TCF4: variants seen among roughly 807,000 people sequenced by gnomAD.
TCF4 encodes the protein SL3-3 enhancer factor 2.
In TCF4, 3 loss-of-function variants were observed where a neutral mutation model predicts 82.1. That is an observed-to-expected ratio of 0.04 (90% CI 0.02 to 0.09). The LOEUF is 0.09. TCF4 is among the 10% of genes least tolerant of loss of function. The pLI, the probability that TCF4 is intolerant of heterozygous loss-of-function variation, is 1.00. For synonymous variants in TCF4, 276 were observed against 309.6 expected, an observed-to-expected ratio of 0.89 and a Z score of 1.14; for missense variants, 518 against 852.7, an observed-to-expected ratio of 0.61 and a Z score of 4.89.
chr18:55,532,107 G>A (rs1367318287), intron 3 of TCF4, among the ~76,000 whole-genome samples: 2 of 152,178 alleles, frequency 1.3e-5, no homozygotes, highest in African/African-American at 4.8e-5. Context: ...TTAGGAGTAA[G>A]CACAGAGAAG....
Position 55,261,425 on chromosome 18 carries a change from TACA to T in TCF4, c.990+38_990+40del, listed in dbSNP as rs771490035. 4.9e-4 allele frequency: 785 copies of T among 1,606,070 alleles called. 2 individuals carry two copies. Among genetic ancestry groups the T allele is most frequent in the Non-Finnish European group, 3.7e-4 (437 of 1,172,906 alleles). On this transcript the variant is annotated intron_variant, in intron 12 of 19. Coordinates refer to ENST00000354452, the MANE Select transcript of TCF4 (RefSeq NM_001083962.2). ...CCACTTCTGATTAAAGTTCACCCTTTACAATGGTACATATGGAGTCCAAAGTCA... is the reference window on the plus strand; with the variant it reads ...CCACTTCTGATTAAAGTTCACCCTTTATGGTACATATGGAGTCCAAAGTCA...
At chr18:55,498,600 CT>C (rs915138802) in intron 3 of TCF4, among the ~76,000 whole-genome samples, 44 of 152,266 alleles carry the variant, frequency 2.9e-4, no homozygotes, top group African/African-American at 1.1e-3. Flanking sequence ...TGAATCCCCC[CT>C]TTTTACCTCC....
At chr18:55,429,789 A>AAAAAAC in intron 5 of TCF4, among the ~76,000 whole-genome samples, 1 of 150,398 alleles carries the variant, frequency 6.6e-6, no homozygotes, top group African/African-American at 2.4e-5. Context: ...AAAAAAAAAA[A>AAAAAAC]CAATTTGGTC....
At chr18:55,513,352 T>C (rs774255118) in intron 3 of TCF4, among the ~76,000 whole-genome samples, 1 of 141,806 alleles carries the variant, frequency 7.1e-6, no homozygotes, top group Non-Finnish European at 1.5e-5. Flanking sequence ...TCATGTCTTA[T>C]CATTCCTAGC....
chr18:55,434,368 G>A (rs1185199865), intron 5 of TCF4, among the ~76,000 whole-genome samples: 4 of 151,598 alleles, frequency 2.6e-5, no homozygotes, highest in African/African-American at 9.7e-5. Flanking sequence ...AAAACTTCAA[G>A]GAAGAATTCT....
chr18:55,534,976 A>G (rs953370088), intron 3 of TCF4, among the ~76,000 whole-genome samples: 1 of 152,192 alleles, frequency 6.6e-6, no homozygotes, highest in Admixed American at 6.5e-5. Flanking sequence ...CACAACAACA[A>G]ATGTGCACAG....
intron 3 of TCF4, among the ~76,000 whole-genome samples, chr18:55,574,058 G>T (rs919675038): frequency 6.6e-6 from 1 of 152,120 alleles, no homozygotes; most frequent in Non-Finnish European, 1.5e-5. Flanking sequence ...TTTAATTTCT[G>T]CTCAAAAAGG....
At chr18:55,562,556 T>G (rs1027762675) in intron 3 of TCF4, among the ~76,000 whole-genome samples, 2 of 152,152 alleles carry the variant, frequency 1.3e-5, no homozygotes, top group Non-Finnish European at 2.9e-5. Context: ...GGCAGCCCCC[T>G]CTCTATCTCC....
intron 8 of TCF4, among the ~76,000 whole-genome samples, chr18:55,330,701 G>T (rs2077405662): frequency 6.6e-6 from 1 of 151,706 alleles, no homozygotes; most frequent in African/African-American, 2.4e-5. Flanking sequence ...GAGTGGCTGG[G>T]ATTACCAGCA....
intron 6 of TCF4, among the ~76,000 whole-genome samples, chr18:55,385,008 C>T (rs1193277516): frequency 1.3e-5 from 2 of 152,152 alleles, no homozygotes; most frequent in Non-Finnish European, 2.9e-5. Context: ...AAAAAACAAC[C>T]TCTCTTTCCT....
At chr18:55,325,248 A>G (rs1179036090) in intron 8 of TCF4, among the ~76,000 whole-genome samples, 5 of 152,232 alleles carry the variant, frequency 3.3e-5, no homozygotes, top group Admixed American at 1.3e-4. Context: ...GGACATGCAC[A>G]GGGTTCACAG....
At chr18:55,475,866 G>A (rs2096278523) in intron 3 of TCF4, among the ~76,000 whole-genome samples, 2 of 152,294 alleles carry the variant, frequency 1.3e-5, no homozygotes, top group Admixed American at 1.3e-4. Flanking sequence ...TGGGAGTGGG[G>A]AGGGCAGGAA....
intron 2 of TCF4, among the ~76,000 whole-genome samples, chr18:55,618,716 G>C (rs975652227): frequency 6.6e-6 from 1 of 151,404 alleles, no homozygotes; most frequent in African/African-American, 2.4e-5. Context: ...TAACTAACTG[G>C]GACCACAGGC....
In TCF4 at chr18:55,621,541, T is replaced by TATATATTATATA. The variant is rs1568500525; in HGVS notation, c.286+9756_286+9757insTATATAATATAT. Among the ~76,000 whole-genome samples the TATATATTATATA allele has an allele frequency of 4.9e-3, 7 of 1,416 alleles. 1 individual carries two copies. Among genetic ancestry groups the TATATATTATATA allele is most frequent in the African/African-American group, 5.3e-3 (7 of 1,330 alleles). 0.9% of individuals were successfully genotyped at this position (1,416 alleles called of 152,430 possible). A position where few individuals can be genotyped will look rare whatever the true frequency, so the allele number is the denominator to read the frequency against. On this transcript the variant is annotated intron_variant, in intron 2 of 20. Transcript: ENST00000398339. The stretch of plus-strand genomic sequence containing the variant: ...ATATAATATTATATAATATATATAT[T>TATATATTATATA]ATATTATATATTATGTACATTATAT...
chr18:55,543,481 A>G (rs2097181183), intron 3 of TCF4, among the ~76,000 whole-genome samples: 1 of 152,144 alleles, frequency 6.6e-6, no homozygotes, highest in South Asian at 2.1e-4. Flanking sequence ...AAAGCAGCAG[A>G]AATCAGCCAT....
intron 6 of TCF4, among the ~76,000 whole-genome samples, chr18:55,363,569 C>T (rs1249447030): frequency 6.6e-6 from 1 of 152,076 alleles, no homozygotes; most frequent in Non-Finnish European, 1.5e-5. Context: ...TTTGGGAGGC[C>T]GAGGCAGGTG....
chr18:55,594,329 C>A lies in TCF4; in HGVS notation c.287-7193G>T, dbSNP rs537871948. The stretch of plus-strand genomic sequence containing the variant: ...TAGGGCCACTGTGCCCAAATGGGAT[C>A]CTCATGTTGATGCATTTCCTTTTAC... On this transcript the variant is annotated intron_variant, in intron 2 of 20. Coordinates refer to the TCF4 transcript ENST00000398339. Among the ~76,000 whole-genome samples the A allele has an allele frequency of 2.6e-5, 4 of 152,266 alleles. No individual in the cohort carries two copies. In the South Asian group the frequency reaches 8.3e-4, roughly 32 times the overall value.
At chr18:55,284,902 G>A (rs1450146470) in intron 8 of TCF4, among the ~76,000 whole-genome samples, 1 of 152,176 alleles carries the variant, frequency 6.6e-6, no homozygotes, top group Non-Finnish European at 1.5e-5. Flanking sequence ...GATGTCCACA[G>A]AACTACCCAT....
intron 3 of TCF4, among the ~76,000 whole-genome samples, chr18:55,578,077 C>A (rs1281611746): frequency 6.6e-6 from 1 of 152,108 alleles, no homozygotes; most frequent in African/African-American, 2.4e-5. Context: ...GATTAAATTA[C>A]AGCCCTGATA....
Sources: gnomAD v4.1 joint callset for allele counts (sites outside exome capture counted in the v4.1 genomes callset) on GRCh38, gnomAD v4.1.1 for gene constraint, MANE v1.5 for transcripts, NCBI Gene and HGNC (gene_info 2026-07-23, HGNC 2026-07-21) for gene names.